The following BBS7 variants were observed in gnomAD, a reference collection of about 807,000 sequenced individuals.
BBS7 encodes the protein BBSome complex member BBS7.
In BBS7, 50 loss-of-function variants were observed where a neutral mutation model predicts 90.3. That is an observed-to-expected ratio of 0.55 (90% CI 0.44 to 0.70). The LOEUF is 0.70. BBS7 is among the 30% of genes least tolerant of loss of function. The pLI is 0.00. For synonymous variants in BBS7, 235 were observed against 287.4 expected, an observed-to-expected ratio of 0.82 and a Z score of 1.85; for missense variants, 729 against 838.9, an observed-to-expected ratio of 0.87 and a Z score of 1.62.
intron 11 of BBS7, among the ~76,000 whole-genome samples, chr4:121,845,229 G>C (rs1261498764): frequency 6.6e-6 from 1 of 151,944 alleles, no homozygotes; most frequent in Non-Finnish European, 1.5e-5. Flanking sequence ...TTAGCCAGGT[G>C]TGGTGGCACA....
At chr4:121,835,538 T>C (rs1157038083) in intron 13 of BBS7, among the ~76,000 whole-genome samples, 1 of 152,146 alleles carries the variant, frequency 6.6e-6, no homozygotes, top group Non-Finnish European at 1.5e-5. Context: ...ATACTTTTCA[T>C]GGCATGAGGG....
intron 8 of BBS7, 99 bp downstream of exon 8, chr4:121,852,857 A>G: frequency 7.9e-7 from 1 of 1,267,172 alleles, no homozygotes; most frequent in Non-Finnish European, 1.1e-6. Context: ...ACCAAACACA[A>G]GATTTTAATA....
In BBS7 at chr4:121,859,097, G is replaced by T; in HGVS notation, c.423C>A (p.Tyr141Ter). The T allele has an allele frequency of 1.9e-6, 3 of 1,613,728 alleles. No homozygotes were observed. The highest frequency in any genetic ancestry group is 2.5e-6 in the Non-Finnish European group (3 of 1,179,782). ...CATCATTGATTTTATCCCCAGAAAG[G>T]TAATAATGTTGGTCTTTGCAGTCAC... is the stretch of plus-strand genomic sequence containing the variant. Reference protein sequence around the residue: ...HYCDCKDQHYYLSGDKINDVI... With the variant: ...HYCDCKDQHY Residue 141 changes from tyrosine (Y) to a stop codon, truncating the protein, a stop_gained, in exon 5 of 19, where the codon TAC (tyrosine) becomes TAA (stop). Transcript: ENST00000264499. LOFTEE classifies it high-confidence loss of function.
In BBS7 at chr4:121,845,395, A is replaced by C. The variant is rs1725955429; in HGVS notation, c.1230+109T>G. The C allele has an allele frequency of 6.4e-6, 4 of 624,242 alleles. 1 individual carries two copies. In the Admixed American group the frequency reaches 1.1e-4, roughly 17 times the overall value. The allele number at this position is 624,242 out of a possible 1,614,324, so 38.7% of individuals were successfully genotyped here. A position where few individuals can be genotyped will look rare whatever the true frequency, so the allele number is the denominator to read the frequency against. On this transcript the variant is annotated intron_variant, in intron 11 of 18. Transcript: ENST00000264499. ...AAAAATAAAAATAAAAATAAAAATA[A>C]AATAAAATTACTGTCTAAAACTAAA...
chr4:121,850,390 T>A (rs1468412131), intron 8 of BBS7, among the ~76,000 whole-genome samples: 2 of 152,138 alleles, frequency 1.3e-5, no homozygotes, highest in Non-Finnish European at 2.9e-5. Flanking sequence ...GGTGTTGAAC[T>A]CCTGGGCTCA....
At position 121,829,229 on chromosome 4, in the gene BBS7, T is replaced by C. The variant is rs796951189; in HGVS notation, c.1677-501A>G. Among the ~76,000 whole-genome samples the C allele has an allele frequency of 2.7e-5, 4 of 147,682 alleles. No individual in the cohort carries two copies. In the South Asian group the frequency reaches 6.6e-4, roughly 24 times the overall value. Reference sequence around the variant, plus strand: ...GCCACTGCTTATGGTCAGAGGACCATTATTTTTCTTTTTTTTTTTTTTTTG... The same window carrying C: ...GCCACTGCTTATGGTCAGAGGACCACTATTTTTCTTTTTTTTTTTTTTTTG... On this transcript the variant is annotated intron_variant, in intron 15 of 18. Coordinates refer to ENST00000264499, the MANE Select transcript of BBS7 (RefSeq NM_176824.3).
chr4:121,853,000 A>G lies in BBS7; in HGVS notation c.805T>C (p.Tyr269His). 6.2e-7 allele frequency: 1 copy of G among 1,613,896 alleles called. No individual in the cohort carries two copies. Among genetic ancestry groups the G allele is most frequent in the Non-Finnish European group, 8.5e-7 (1 of 1,179,842 alleles). ...VGRDDGMVEV[Y>H]SFDNANEPVL... is the part of the protein sequence containing the mutation. ...GGTTCATTTGCATTATCAAAACTATACACTTCCACCATTCCGTCATCTCTC... is the reference window on the plus strand; with the variant it reads ...GGTTCATTTGCATTATCAAAACTATGCACTTCCACCATTCCGTCATCTCTC... Residue 269 changes from tyrosine (Y) to histidine (H), a missense_variant, in exon 8 of 19, where the codon TAT (tyrosine) becomes CAT (histidine). Coordinates refer to ENST00000264499, the MANE Select transcript of BBS7 (RefSeq NM_176824.3).
intron 2 of BBS7, among the ~76,000 whole-genome samples, chr4:121,866,121 C>G (rs1393043780): frequency 1.3e-5 from 2 of 151,926 alleles, no homozygotes; most frequent in African/African-American, 4.8e-5. Context: ...GATATTAATT[C>G]CTTGTTGGAT....
intron 11 of BBS7, among the ~76,000 whole-genome samples, chr4:121,845,249 T>A (rs1345284675): frequency 6.6e-6 from 1 of 151,964 alleles, no homozygotes; most frequent in African/African-American, 2.4e-5. Flanking sequence ...ATACCTGTAG[T>A]CCCAGCTACT....
At position 121,863,245 on chromosome 4, in the gene BBS7, C is replaced by T. The variant is rs753299730; in HGVS notation, c.137G>A (p.Cys46Tyr). ...TGCTTCTCCTTTCTTCATGCCAAAG[C>T]ACATAACTACCCCATCATGATCTCC... is the stretch of plus-strand genomic sequence containing the variant. Reference protein sequence around the residue: ...VIGDHDGVVMCFGMKKGEAAA... With the variant: ...VIGDHDGVVMYFGMKKGEAAA... Residue 46 changes from cysteine to tyrosine, a missense_variant, in exon 3 of 19, where the codon TGC becomes TAC. Coordinates refer to ENST00000264499, the MANE Select transcript of BBS7 (RefSeq NM_176824.3). The T allele has an allele frequency of 6.2e-7, 1 of 1,613,902 alleles. No individual in the cohort carries two copies. The highest frequency in any genetic ancestry group is 1.1e-5 in the South Asian group (1 of 91,056).
chr4:121,852,243 T>C (rs1196366816), intron 8 of BBS7, among the ~76,000 whole-genome samples: 1 of 152,182 alleles, frequency 6.6e-6, no homozygotes, highest in Non-Finnish European at 1.5e-5. Flanking sequence ...GTACCACTAG[T>C]AGATAAATTA....
chr4:121,839,348 C>T (rs1725612822), intron 13 of BBS7, among the ~76,000 whole-genome samples: 1 of 152,154 alleles, frequency 6.6e-6, no homozygotes, highest in South Asian at 2.1e-4. Flanking sequence ...ATGTGGATTG[C>T]TTCAGCTCAG....
intron 10 of BBS7, among the ~76,000 whole-genome samples, 196 bp downstream of exon 10, chr4:121,847,208 A>G (rs889078030): frequency 3.3e-5 from 5 of 152,228 alleles, no homozygotes; most frequent in Admixed American, 6.5e-5. Flanking sequence ...ACAAAAAAGT[A>G]TATTTCTATC....
chr4:121,852,898 G>C, intron 8 of BBS7, 58 bp downstream of exon 8: 4 of 1,536,944 alleles, frequency 2.6e-6, no homozygotes, highest in Non-Finnish European at 3.6e-6. Flanking sequence ...CAAACCATCT[G>C]TCATCTCTAT....
At chr4:121,847,621 GCCTAACTTAAC>G (rs1726082510) in intron 9 of BBS7, 115 bp from the exon 10 acceptor site, 1 of 770,514 alleles carries the variant, frequency 1.3e-6, no homozygotes, top group African/African-American at 1.7e-5. Context: ...ACCAATATCA[GCCTAACTTAAC>G]CCTAGGACTT....
intron 15 of BBS7, among the ~76,000 whole-genome samples, chr4:121,829,409 G>A (rs1353379247): frequency 4.6e-5 from 7 of 151,916 alleles, no homozygotes; most frequent in South Asian, 2.1e-4. Flanking sequence ...TAATGTTTTC[G>A]TATTTTGAGT....
At chr4:121,852,888 C>T in intron 8 of BBS7, 68 bp downstream of exon 8, 1 of 1,492,392 alleles carries the variant, frequency 6.7e-7, no homozygotes, top group Non-Finnish European at 9.3e-7. Flanking sequence ...TAATAAAATT[C>T]AAACCATCTG....
intron 12 of BBS7, among the ~76,000 whole-genome samples, chr4:121,840,195 A>T (rs944840864): frequency 2.0e-5 from 3 of 152,054 alleles, no homozygotes; most frequent in Non-Finnish European, 1.5e-5. Context: ...AGTGAATAAG[A>T]TCTGATGGTT....
At chr4:121,834,610 G>C (rs1274852241) in intron 14 of BBS7, among the ~76,000 whole-genome samples, 1 of 152,012 alleles carries the variant, frequency 6.6e-6, no homozygotes, top group Non-Finnish European at 1.5e-5. Flanking sequence ...TAAGCTCCTA[G>C]CATAATACAT....
Sources: allele counts gnomAD v4.1 joint callset (sites outside exome capture counted in the v4.1 genomes callset), GRCh38; gene constraint gnomAD v4.1.1; transcripts MANE v1.5; gene names NCBI Gene and HGNC (gene_info 2026-07-23, HGNC 2026-07-21).